The following RNF214 variants were observed in gnomAD, a reference collection of about 807,000 sequenced individuals.
The protein encoded by RNF214 is ring finger protein 214.
Under a neutral mutation model 75.9 loss-of-function variants are expected in RNF214, and 25 were observed. The observed-to-expected ratio is 0.33, with a 90% confidence interval of 0.24 to 0.46. RNF214 has a LOEUF of 0.46. RNF214 is among the 20% of genes least tolerant of loss of function. The pLI is 1.00. For missense variants in RNF214, 725 were observed against 857.5 expected (o/e 0.85, Z 1.93); for synonymous variants, 314 against 308.8 (o/e 1.02, Z -0.18).
chr11:117,249,948 T>C (rs892722603), intron 6 of RNF214, among the ~76,000 whole-genome samples: 1 of 152,226 alleles, frequency 6.6e-6, no homozygotes, highest in African/African-American at 2.4e-5. Context: ...ATAACAATTG[T>C]ATTTCCTGTT....
chr11:117,246,974 C>G (rs756037692), intron 6 of RNF214, 26 bp downstream of exon 6: 2 of 1,584,392 alleles, frequency 1.3e-6, no homozygotes, highest in Non-Finnish European at 1.7e-6. Flanking sequence ...AATAAAAACC[C>G]TGTGTGTATG....
rs574193849 is a variant in RNF214, at chr11:117,260,638, C to CT, written c.959+13702dup. ...ACACAGTGAGACCTAGTCTCTATTTCTTTTTTTTTTTTCTTTTTCCTTTTT... is the reference window on the plus strand; with the variant it reads ...ACACAGTGAGACCTAGTCTCTATTTCTTTTTTTTTTTTTCTTTTTCCTTTTT... On this transcript the variant is annotated intron_variant, in intron 6 of 14. Transcript: ENST00000300650. Among the ~76,000 whole-genome samples the CT allele has an allele frequency of 1.6e-3, 204 of 131,506 alleles. 1 individual carries two copies. In the East Asian group the frequency reaches 0.02, roughly 13 times the overall value. 86.3% of individuals were successfully genotyped at this position (131,506 alleles called of 152,430 possible). A position where few individuals can be genotyped will look rare whatever the true frequency, so the allele number is the denominator to read the frequency against.
In RNF214 at chr11:117,246,796, G is replaced by C; in HGVS notation, c.820-13G>C. The C allele has an allele frequency of 6.6e-7, 1 of 1,524,822 alleles. No homozygotes were observed. The highest frequency in any genetic ancestry group is 8.8e-7 in the Non-Finnish European group (1 of 1,134,432). The allele number at this position is 1,524,822 out of a possible 1,614,324, so 94.5% of individuals were successfully genotyped here. On this transcript the variant is annotated splice_polypyrimidine_tract_variant and intron_variant, in intron 5 of 14. Transcript: ENST00000300650. ...TTTTTATTTGTGTGCGACTGTAATT[G>C]TGTGGAACTCAGGAGATATTAAAGG...
At chr11:117,254,579 ATTACTCCAGTCCTGAG>A (rs1190121852) in intron 6 of RNF214, among the ~76,000 whole-genome samples, 1 of 149,578 alleles carries the variant, frequency 6.7e-6, no homozygotes, top group African/African-American at 2.5e-5. Context: ...ATTTTCCTGT[ATTACTCCAGTCCTGAG>A]TCAAGTCAGC....
chr11:117,281,276 T>C (rs368677103), intron 8 of RNF214, 38 bp from the exon 9 acceptor site: 4 of 1,469,072 alleles, frequency 2.7e-6, no homozygotes, highest in Admixed American at 3.4e-5. Flanking sequence ...TAGCAGGGCT[T>C]TCTTTAAATC....
chr11:117,246,189 T>G (rs2033220834), intron 5 of RNF214, among the ~76,000 whole-genome samples: 1 of 151,788 alleles, frequency 6.6e-6, no homozygotes, highest in Non-Finnish European at 1.5e-5. Context: ...GGACTCGAAC[T>G]CCCGGACACA....
intron 1 of RNF214, among the ~76,000 whole-genome samples, chr11:117,233,907 C>T (rs931319537): frequency 1.3e-5 from 2 of 152,168 alleles, no homozygotes; most frequent in South Asian, 2.1e-4. Flanking sequence ...CCGAAAAGTA[C>T]GTCTTTTATT....
chr11:117,275,273 G>T (rs1712851881), intron 6 of RNF214, among the ~76,000 whole-genome samples: 1 of 152,094 alleles, frequency 6.6e-6, no homozygotes, highest in Admixed American at 6.6e-5. Context: ...TAAGAGGGAA[G>T]TTTATAGTGC....
chr11:117,236,531 C>G (rs2032916468), intron 2 of RNF214, among the ~76,000 whole-genome samples: 1 of 152,204 alleles, frequency 6.6e-6, no homozygotes, highest in Non-Finnish European at 1.5e-5. Context: ...CTCAGCCTCC[C>G]AAAGTGTTGG....
At chr11:117,282,564 T>G in intron 12 of RNF214, 28 bp downstream of exon 12, 2 of 1,611,678 alleles carry the variant, frequency 1.2e-6, no homozygotes, top group Non-Finnish European at 1.7e-6. Flanking sequence ...GGAGAGAACT[T>G]AGGCATGTTG....
At position 117,281,931 on chromosome 11, in the gene RNF214, C is replaced by T. The variant is rs751578565; in HGVS notation, c.1373C>T (p.Ser458Phe). 9 of 1,614,002 alleles carry T rather than the reference C, an allele frequency of 5.6e-6. No homozygotes were observed. In the South Asian group the frequency reaches 8.8e-5, roughly 16 times the overall value. The change falls in exon 11 of 15, where the codon TCT becomes TTT. Residue 458 changes from serine to phenylalanine, a missense_variant. Transcript: ENST00000300650. ...CTTCAGGTGTTTCAACCCAGTCCCT[C>T]TCTGGCTCCTCGGATGCCCTTCTCC... ...FMLQVFQPSP[S>F]LAPRMPFSIG...
intron 6 of RNF214, among the ~76,000 whole-genome samples, chr11:117,255,121 T>C (rs2033487855): frequency 6.6e-6 from 1 of 152,164 alleles, no homozygotes; most frequent in South Asian, 2.1e-4. Flanking sequence ...ATCCCAAATT[T>C]AAATCTCTCT....
At chr11:117,239,167 G>A (rs1354771912) in intron 3 of RNF214, 56 bp downstream of exon 3, 2 of 1,483,040 alleles carry the variant, frequency 1.3e-6, no homozygotes, top group African/African-American at 1.4e-5. Context: ...GGGGTTCAGG[G>A]TGGGAGATAT....
intron 6 of RNF214, among the ~76,000 whole-genome samples, chr11:117,254,957 G>A (rs990871825): frequency 6.6e-6 from 1 of 152,062 alleles, no homozygotes; most frequent in African/African-American, 2.4e-5. Context: ...GGGCTGCTGA[G>A]TGCTGCTGGA....
At chr11:117,250,359 G>C (rs1404881858) in intron 6 of RNF214, among the ~76,000 whole-genome samples, 2 of 152,176 alleles carry the variant, frequency 1.3e-5, no homozygotes, top group African/African-American at 2.4e-5. Context: ...GTAATACTGT[G>C]TCAGTGTTAT....
Position 117,282,467 on chromosome 11 carries a change from C to T in RNF214, c.1776C>T (p.Thr592=), listed in dbSNP as rs2034147905. The T allele has an allele frequency of 1.2e-6, 2 of 1,614,056 alleles. No individual in the cohort carries two copies. The highest frequency in any genetic ancestry group is 1.3e-5 in the African/African-American group (1 of 74,916). ...CACGTACCACCATGGCAGGCCTGAC[C>T]ATGGAGGAACTTATCCAGTTGGTTG... is the stretch of plus-strand genomic sequence containing the variant. ...KTARTTMAGL[T]MEELIQLVAA... Residue 592 remains threonine (T), a synonymous_variant, in exon 12 of 15, where the codon ACC becomes ACT. Coordinates refer to ENST00000300650, the MANE Select transcript of RNF214 (RefSeq NM_207343.4).
At position 117,282,746 on chromosome 11, in the gene RNF214, C is replaced by A; in HGVS notation, c.1846C>A (p.Pro616Thr). The change falls in exon 13 of 15, where the codon CCA becomes ACA. Residue 616 changes from proline to threonine, a missense_variant and splice_region_variant. Pro to Thr is a conservative substitution (Grantham distance 38). Around this residue, in one of 2 missense-constraint regions of RNF214, gnomAD observed 363 missense variants for 513.0 expected, o/e 0.71. Coordinates refer to ENST00000300650, the MANE Select transcript of RNF214 (RefSeq NM_207343.4). ...EHERVAASTQ[P>T]LGRIRALFPA... ...ACTCTGACAATGTTTCTACCTACAG[C>A]CACTTGGTCGCATCCGGGCCTTGTT... 6.2e-7 allele frequency: 1 copy of A among 1,613,212 alleles called. No individual in the cohort carries two copies. The highest frequency in any genetic ancestry group is 2.2e-5 in the East Asian group (1 of 44,884).
intron 8 of RNF214, among the ~76,000 whole-genome samples, chr11:117,281,003 T>TTA (rs397781094): frequency 2.7e-5 from 4 of 149,716 alleles, no homozygotes; most frequent in African/African-American, 7.4e-5. Flanking sequence ...TTTTTTTTTT[T>TTA]AATGACAGGG....
chr11:117,250,621 A>ATT (rs71037476), intron 6 of RNF214, among the ~76,000 whole-genome samples: 1 of 143,224 alleles, frequency 7.0e-6, no homozygotes, highest in African/African-American at 2.6e-5. Flanking sequence ...TTTTTTTTTA[A>ATT]TTTTTTTTTT....
Sources: allele counts gnomAD v4.1 joint callset (sites outside exome capture counted in the v4.1 genomes callset), GRCh38; gene constraint gnomAD v4.1.1; regional missense constraint gnomAD v4.1.1; transcripts MANE v1.5; gene names NCBI Gene and HGNC (gene_info 2026-07-23, HGNC 2026-07-21).